NAV3: variants seen among roughly 807,000 people sequenced by gnomAD.
The protein encoded by NAV3 is neuron navigator 3.
In NAV3, 87 loss-of-function variants were observed where a neutral mutation model predicts 244.7. The observed-to-expected ratio is 0.36, with a 90% CI of 0.30 to 0.42. The LOEUF (loss-of-function observed/expected upper bound fraction) is 0.42, where lower values mean the gene tolerates loss of function less well. Among genes scored for constraint, NAV3 ranks in the 20% least tolerant of loss-of-function variants. NAV3 has a pLI of 1.00. For synonymous variants in NAV3, 1,126 were observed against 1,042.2 expected (o/e 1.08, Z -1.55); for missense variants, 2,663 against 2,893.3 (o/e 0.92, Z 1.83).
At chr12:78,179,746 C>A in intron 29 of NAV3, 64 bp downstream of exon 29, 2 of 1,525,298 alleles carry the variant, frequency 1.3e-6, no homozygotes, top group South Asian at 1.2e-5. Context: ...TTATTCTGTT[C>A]TCTTGGTTAA....
rs17044632 is a variant in NAV3 at position 77,967,829 on chromosome 12, G to A, written c.488-690G>A. Among the ~76,000 whole-genome samples the A allele has an allele frequency of 9.1e-3, 1,380 of 152,040 alleles. 11 individuals are homozygous for A. Among genetic ancestry groups the A allele is most frequent in the South Asian group, 0.037 (177 of 4,818 alleles). The stretch of plus-strand genomic sequence containing the variant: ...TGCTTATTCAATTATGTTATCTGAC[G>A]TAAGCTAATCCTCCTTATTTATTAA... On this transcript the variant is annotated intron_variant, in intron 4 of 39. Coordinates refer to ENST00000397909, the MANE Select transcript of NAV3 (RefSeq NM_001024383.2).
chr12:77,669,261 C>A (rs544568332), intron 2 of NAV3, among the ~76,000 whole-genome samples: 1 of 152,076 alleles, frequency 6.6e-6, no homozygotes, highest in Non-Finnish European at 1.5e-5. Flanking sequence ...AAGCATAAAT[C>A]TCACAGGGCC....
intron 2 of NAV3, among the ~76,000 whole-genome samples, chr12:77,699,015 T>C (rs1875439316): frequency 6.6e-6 from 1 of 152,144 alleles, no homozygotes; most frequent in African/African-American, 2.4e-5. Context: ...CCTAACTATG[T>C]AGCAAACATA....
intron 1 of NAV3, among the ~76,000 whole-genome samples, chr12:77,915,615 C>T (rs1887062819): frequency 6.6e-6 from 1 of 151,822 alleles, no homozygotes; most frequent in African/African-American, 2.4e-5. Context: ...CTATGTTATA[C>T]CTGCAAAATT....
chr12:77,605,731 T>C (rs544182665), intron 2 of NAV3, among the ~76,000 whole-genome samples: 1 of 152,178 alleles, frequency 6.6e-6, no homozygotes, highest in Non-Finnish European at 1.5e-5. Flanking sequence ...TCCCGGCTAC[T>C]TGAGAGGCTG....
chr12:78,201,502 G>A (rs779599913), intron 38 of NAV3, among the ~76,000 whole-genome samples: 2 of 151,662 alleles, frequency 1.3e-5, no homozygotes, highest in African/African-American at 2.4e-5. Context: ...CCTTTCATGT[G>A]CCTTCTATCT....
At chr12:77,772,260 A>G (rs1197906941) in intron 2 of NAV3, among the ~76,000 whole-genome samples, 1 of 152,178 alleles carries the variant, frequency 6.6e-6, no homozygotes, top group Non-Finnish European at 1.5e-5. Flanking sequence ...GCATATCAAG[A>G]ACTTTGCATG....
intron 2 of NAV3, among the ~76,000 whole-genome samples, chr12:77,629,145 G>A (rs1458797909): frequency 6.6e-6 from 1 of 152,122 alleles, no homozygotes; most frequent in Non-Finnish European, 1.5e-5. Flanking sequence ...TGGCATGAAA[G>A]CAATAAAGTT....
intron 2 of NAV3, among the ~76,000 whole-genome samples, chr12:77,752,350 C>G (rs557816939): frequency 2.0e-5 from 3 of 152,196 alleles, no homozygotes; most frequent in African/African-American, 7.2e-5. Context: ...ATGTTTGTGT[C>G]GCTTTTATAG....
intron 2 of NAV3, among the ~76,000 whole-genome samples, chr12:77,672,511 TCAA>T (rs1874023112): frequency 6.6e-6 from 1 of 152,042 alleles, no homozygotes; most frequent in African/African-American, 2.4e-5. Context: ...TGCCCATCCA[TCAA>T]CGAGTGGATA....
intron 2 of NAV3, among the ~76,000 whole-genome samples, chr12:77,617,561 C>G (rs552521003): frequency 3.3e-5 from 5 of 152,288 alleles, no homozygotes; most frequent in Admixed American, 1.3e-4. Flanking sequence ...TATACTAAGA[C>G]AGCAGGGTTT....
At chr12:77,720,546 G>A (rs1313961021) in intron 2 of NAV3, among the ~76,000 whole-genome samples, 1 of 152,092 alleles carries the variant, frequency 6.6e-6, no homozygotes, top group Admixed American at 6.6e-5. Context: ...GCAACTCCCT[G>A]GCTTCTAGAG....
chr12:77,872,346 A>AG (rs1333338671), intron 1 of NAV3, among the ~76,000 whole-genome samples: 1 of 149,550 alleles, frequency 6.7e-6, no homozygotes, highest in African/African-American at 2.5e-5. Context: ...GCTAATACGG[A>AG]AAAAAAAACA....
At chr12:77,908,984 G>A (rs144789203) in intron 1 of NAV3, among the ~76,000 whole-genome samples, 385 of 152,026 alleles carry the variant, frequency 2.5e-3, no homozygotes, top group African/African-American at 8.4e-3. Flanking sequence ...TTCATTTGTC[G>A]TTTCACCCTG....
At chr12:77,751,906 A>T (rs919245283) in intron 2 of NAV3, among the ~76,000 whole-genome samples, 1 of 152,204 alleles carries the variant, frequency 6.6e-6, no homozygotes, top group East Asian at 1.9e-4. Context: ...TTAAGAAAAT[A>T]TTGGAAATAT....
At chr12:78,195,923 C>T (rs748590979) in intron 34 of NAV3, among the ~76,000 whole-genome samples, 20 of 152,026 alleles carry the variant, frequency 1.3e-4, no homozygotes, top group African/African-American at 3.1e-4. Context: ...TCCTCATGTC[C>T]GGAAAAGTAC....
At chr12:78,021,911 C>T (rs1351917004) in intron 9 of NAV3, 49 bp downstream of exon 9, 1 of 1,209,632 alleles carries the variant, frequency 8.3e-7, no homozygotes, top group African/African-American at 1.5e-5. Flanking sequence ...TTTCCGTATT[C>T]TCTCCATAAG....
At chr12:78,149,476 G>A (rs1412371710) in intron 22 of NAV3, among the ~76,000 whole-genome samples, 2 of 152,046 alleles carry the variant, frequency 1.3e-5, no homozygotes, top group African/African-American at 4.8e-5. Context: ...GCCCAGGATG[G>A]CAGAAATGAT....
rs10594185 is a variant in NAV3 at position 78,206,854 on chromosome 12, CT to C, written c.7038+1737del. Among the ~76,000 whole-genome samples, 528 of 114,774 alleles carry C rather than the reference CT, an allele frequency of 4.6e-3. 2 individuals are homozygous for C. The highest frequency in any genetic ancestry group is 0.016 in the African/African-American group (493 of 31,332). The allele number at this position is 114,774 out of a possible 152,430, so 75.3% of individuals were successfully genotyped here. The stretch of plus-strand genomic sequence containing the variant: ...TTCTATCTTTTTTCTTTCTTTCTTA[CT>C]TTTTTTTTTTTTTTTTTTTTGAGAC... On this transcript the variant is annotated intron_variant, in intron 39 of 39. Coordinates refer to ENST00000397909, the MANE Select transcript of NAV3 (RefSeq NM_001024383.2).
Sources: gnomAD v4.1 joint callset for allele counts (sites outside exome capture counted in the v4.1 genomes callset) on GRCh38, gnomAD v4.1.1 for gene constraint, MANE v1.5 for transcripts, NCBI Gene and HGNC (gene_info 2026-07-23, HGNC 2026-07-21) for gene names.